Variants in DMAC2 observed in about 807,000 individuals in gnomAD.
DMAC2 encodes distal membrane arm assembly component 2.
A neutral mutation model predicts 29.6 loss-of-function variants in DMAC2; 32 were observed. That is an observed-to-expected ratio of 1.08 (90% CI 0.81 to 1.45). DMAC2 has a LOEUF of 1.45. Ranked by LOEUF, DMAC2 falls within the 40% of genes most tolerant of loss-of-function variation. The pLI is 0.00. For missense variants in DMAC2, 319 were observed against 340.0 expected, an observed-to-expected ratio of 0.94 and a Z score of 0.49; for synonymous variants, 133 against 137.4, an observed-to-expected ratio of 0.97 and a Z score of 0.23.
rs187159659 is a variant in DMAC2, at chr19:41,439,904, C to T, written c.-5G>A. 2.7e-5 allele frequency: 43 copies of T among 1,614,216 alleles called. 1 individual carries two copies. The East Asian group carries it at 8.9e-4, about 33-fold the overall frequency. On this transcript the variant is annotated 5_prime_UTR_variant, in exon 1 of 6. Transcript: ENST00000221943. The stretch of plus-strand genomic sequence containing the variant: ...TACCGCCCAGGGAGCCGCCATCTTG[C>T]TAAGGTTTCGTAACCGGAAGGGGCC...
chr19:41,433,447 G>A lies in DMAC2; in HGVS notation c.434-13C>T. The stretch of plus-strand genomic sequence containing the variant: ...TCCTTCAGGCGGACTGCGGTGGGGA[G>A]AGGGTGGGATGGCACCAGGAGCCTT... On this transcript the variant is annotated splice_polypyrimidine_tract_variant and intron_variant, in intron 4 of 5. Coordinates refer to ENST00000221943, the MANE Select transcript of DMAC2 (RefSeq NM_018035.3). 6.2e-7 allele frequency: 1 copy of A among 1,613,074 alleles called. No individual in the cohort carries two copies. The highest frequency in any genetic ancestry group is 8.5e-7 in the Non-Finnish European group (1 of 1,179,126).
rs1555771852 is a variant in DMAC2, at chr19:41,438,356, C to G, written c.77G>C (p.Gly26Ala). Residue 26 changes from glycine to alanine, a missense_variant, in exon 2 of 6, where the codon GGT (glycine) becomes GCT (alanine). Gly to Ala is a moderately conservative substitution (Grantham distance 60). Transcript: ENST00000221943. ...NGRIRGIHRL[G>A]AAVAPEGNQK... ...ATTGCCCTCTGGGGCCACTGCCGCA[C>G]CCAGGCGATGGATGCCCCTGATACG... 2.5e-6 allele frequency: 4 copies of G among 1,614,122 alleles called. No homozygotes were observed. The highest frequency in any genetic ancestry group is 3.4e-6 in the Non-Finnish European group (4 of 1,180,058).
chr19:41,432,104 G>A lies in DMAC2; in HGVS notation c.*127C>T, dbSNP rs1302818415. ...ACTGGGAACTCACGCTCTCTCCTGTGATTGGCCAGCACCACTCCCCCACCC... is the reference window on the plus strand; with the variant it reads ...ACTGGGAACTCACGCTCTCTCCTGTAATTGGCCAGCACCACTCCCCCACCC... On this transcript the variant is annotated 3_prime_UTR_variant, in exon 6 of 6. Coordinates refer to ENST00000221943, the MANE Select transcript of DMAC2 (RefSeq NM_018035.3). The A allele has an allele frequency of 9.2e-7, 1 of 1,084,988 alleles. No individual in the cohort carries two copies. 67.2% of individuals were successfully genotyped at this position (1,084,988 alleles called of 1,614,324 possible). A position where few individuals can be genotyped will look rare whatever the true frequency, so the allele number is the denominator to read the frequency against.
intron 1 of DMAC2, chr19:41,439,462 A>C (rs1655705789): frequency 1.3e-6 from 2 of 1,535,464 alleles, no homozygotes; most frequent in Non-Finnish European, 1.7e-6. Context: ...ATCTCCCACT[A>C]ACTTTCCTTA....
chr19:41,439,217 C>A, intron 1 of DMAC2: 1 of 373,352 alleles, frequency 2.7e-6, no homozygotes, highest in Non-Finnish European at 4.8e-6. Flanking sequence ...TAACCAAATT[C>A]TTTTTTTTTT....
intron 5 of DMAC2, chr19:41,432,901 T>G (rs903730621): frequency 3.9e-6 from 2 of 515,134 alleles, no homozygotes; most frequent in Non-Finnish European, 6.8e-6. Context: ...CATGCGTGCA[T>G]GTGTGTGTGT....
chr19:41,432,070 G>A lies in DMAC2; in HGVS notation c.*161C>T. On this transcript the variant is annotated 3_prime_UTR_variant, in exon 6 of 6. Coordinates refer to ENST00000221943, the MANE Select transcript of DMAC2 (RefSeq NM_018035.3). ...TGTGACCTTTAGCCAAGGGCAGCCA[G>A]GAATAAATACTGGGAACTCACGCTC... The A allele has an allele frequency of 1.3e-6, 1 of 794,318 alleles. No individual in the cohort carries two copies. The highest frequency in any genetic ancestry group is 2.0e-6 in the Non-Finnish European group (1 of 509,288). 49.2% of individuals were successfully genotyped at this position (794,318 alleles called of 1,614,324 possible).
intron 1 of DMAC2, chr19:41,438,945 GATTT>G: frequency 8.7e-6 from 1 of 115,452 alleles, no homozygotes; most frequent in Non-Finnish European, 1.7e-5. Context: ...ATATTTTTGT[GATTT>G]TTTTTTTTTT....
In DMAC2 at chr19:41,433,313, G is replaced by C; in HGVS notation, c.555C>G (p.Pro185=). The change falls in exon 5 of 6, where the codon CCC becomes CCG. Residue 185 remains proline, a synonymous_variant. Coordinates refer to ENST00000221943, the MANE Select transcript of DMAC2 (RefSeq NM_018035.3). ...AGGCGAGGCCCCGTTCGGAGATGCG[G>C]GGGCAACCGGCCAGCGAGAGCTCCT... is the stretch of plus-strand genomic sequence containing the variant. ...SLQELSLAGC[P]RISERGLACL... is the part of the protein sequence containing the mutation. The C allele has an allele frequency of 6.2e-7, 1 of 1,611,314 alleles. No homozygotes were observed. The highest frequency in any genetic ancestry group is 8.5e-7 in the Non-Finnish European group (1 of 1,179,876).
At chr19:41,432,938 A>G in intron 5 of DMAC2, 1 of 508,578 alleles carries the variant, frequency 2.0e-6, no homozygotes, top group Non-Finnish European at 3.5e-6. Flanking sequence ...CCCAAATTTC[A>G]ACCTTAGCTT....
chr19:41,431,797 G>A lies in DMAC2; in HGVS notation c.*434C>T, dbSNP rs2039522452. 1 of 236,904 alleles carries A rather than the reference G, an allele frequency of 4.2e-6. No homozygotes were observed. Among genetic ancestry groups the A allele is most frequent in the Non-Finnish European group, 8.4e-6 (1 of 119,294 alleles). The allele number at this position is 236,904 out of a possible 1,614,324, so 14.7% of individuals were successfully genotyped here. A position where few individuals can be genotyped will look rare whatever the true frequency, so the allele number is the denominator to read the frequency against. The stretch of plus-strand genomic sequence containing the variant: ...TAGTGAGTGGAGTGGGGCGAAGGAT[G>A]CTGCATGTCCTGCAGTGGGCACAGC... On this transcript the variant is annotated 3_prime_UTR_variant, in exon 6 of 6. Coordinates refer to ENST00000221943, the MANE Select transcript of DMAC2 (RefSeq NM_018035.3).
intron 2 of DMAC2, among the ~76,000 whole-genome samples, chr19:41,437,173 G>T (rs1555771466): frequency 6.6e-6 from 1 of 152,176 alleles, no homozygotes; most frequent in East Asian, 1.9e-4. Context: ...GCCGAGGCAG[G>T]TGGATCATCT....
intron 2 of DMAC2, among the ~76,000 whole-genome samples, chr19:41,437,656 G>A (rs545014120): frequency 4.0e-4 from 61 of 151,014 alleles, no homozygotes; most frequent in Middle Eastern, 3.4e-3. Flanking sequence ...CTTAGATTGC[G>A]CCACTACACT....
rs376105965 is a variant in DMAC2 at position 41,432,208 on chromosome 19, G to A, written c.*23C>T. 2.6e-5 allele frequency: 42 copies of A among 1,603,530 alleles called. No individual in the cohort carries two copies. The highest frequency in any genetic ancestry group is 2.4e-4 in the South Asian group (22 of 90,610). On this transcript the variant is annotated 3_prime_UTR_variant, in exon 6 of 6. Coordinates refer to ENST00000221943, the MANE Select transcript of DMAC2 (RefSeq NM_018035.3). ...TCCATGCAGCCCGCTGAGAAGCCAC[G>A]TGAGTGGGGACAGGGCTAAAGGCTA...
chr19:41,438,581 A>G (rs956463339), intron 1 of DMAC2, among the ~76,000 whole-genome samples, 167 bp from the exon 2 acceptor site: 1 of 151,994 alleles, frequency 6.6e-6, no homozygotes, highest in South Asian at 2.1e-4. Context: ...AAATTTCCCC[A>G]TGTTTTTTCC....
chr19:41,432,722 T>TG (rs1451071626), intron 5 of DMAC2: 1 of 406,506 alleles, frequency 2.5e-6, no homozygotes, highest in Non-Finnish European at 4.4e-6. Flanking sequence ...TGTGTGTGTG[T>TG]GTGTGTGTAG....
chr19:41,439,192 A>G (rs1016435635), intron 1 of DMAC2: 6 of 380,680 alleles, frequency 1.6e-5, no homozygotes, highest in African/African-American at 1.1e-4. Context: ...AATCTACCCC[A>G]ATTTCTCTTT....
chr19:41,439,655 C>T (rs78886070), intron 1 of DMAC2: 6 of 1,364,448 alleles, frequency 4.4e-6, no homozygotes, highest in East Asian at 2.5e-5. Context: ...TACTCTCAGC[C>T]AAGTCCCTGC....
intron 5 of DMAC2, 148 bp from the exon 6 acceptor site, chr19:41,432,556 G>A (rs1012007177): frequency 1.5e-6 from 1 of 688,294 alleles, no homozygotes. Flanking sequence ...GGGAGGTACA[G>A]GACAGTGTGT....
Sources: gnomAD v4.1 joint callset for allele counts (sites outside exome capture counted in the v4.1 genomes callset) on GRCh38, gnomAD v4.1.1 for gene constraint, MANE v1.5 for transcripts, NCBI Gene and HGNC (gene_info 2026-07-23, HGNC 2026-07-21) for gene names.